CYP7B1: variants seen among roughly 807,000 people sequenced by gnomAD.
CYP7B1 encodes cytochrome P450 family 7 subfamily B member 1.
In CYP7B1, 29 loss-of-function variants were observed where a neutral mutation model predicts 42.7. The observed-to-expected ratio is 0.68, with a 90% CI of 0.51 to 0.93. The LOEUF (loss-of-function observed/expected upper bound fraction) is 0.93, where lower values mean the gene tolerates loss of function less well. CYP7B1 is among the 40% of genes least tolerant of loss of function. The pLI, the probability that CYP7B1 is intolerant of heterozygous loss-of-function variation, is 0.00. For synonymous variants in CYP7B1, 235 were observed against 218.2 expected (o/e 1.08, Z -0.68); for missense variants, 655 against 600.5 (o/e 1.09, Z -0.95).
In CYP7B1 at chr8:64,676,333, C is replaced by T. The variant is rs138616500; in HGVS notation, c.123-51794G>A. On this transcript the variant is annotated intron_variant, in intron 1 of 5. Transcript: ENST00000310193. The stretch of plus-strand genomic sequence containing the variant: ...AGATAAAACAATGTACCATCTTACG[C>T]GTTAGCACACCCATGTGCACCTGCC... Among the ~76,000 whole-genome samples, 7 of 152,196 alleles carry T rather than the reference C, an allele frequency of 4.6e-5. No homozygotes were observed. The East Asian group carries it at 7.7e-4, about 17-fold the overall frequency.
At chr8:64,617,502 T>G (rs149770259) in intron 2 of CYP7B1, among the ~76,000 whole-genome samples, 2 of 152,268 alleles carry the variant, frequency 1.3e-5, no homozygotes, top group East Asian at 3.9e-4. Flanking sequence ...GCACTATTCT[T>G]TGTCTTCTCA....
intron 1 of CYP7B1, among the ~76,000 whole-genome samples, chr8:64,629,993 G>T (rs530942637): frequency 5.3e-5 from 8 of 152,238 alleles, no homozygotes; most frequent in African/African-American, 1.7e-4. Flanking sequence ...GCTCTGCCAG[G>T]AAATGAGGTG....
intron 1 of CYP7B1, among the ~76,000 whole-genome samples, chr8:64,702,992 G>A (rs1038325823): frequency 6.7e-6 from 1 of 148,998 alleles, no homozygotes; most frequent in African/African-American, 2.5e-5. Flanking sequence ...CTATAACTGG[G>A]TATTTTATAC....
intron 1 of CYP7B1, among the ~76,000 whole-genome samples, chr8:64,644,101 C>T (rs1172606523): frequency 6.6e-6 from 1 of 151,936 alleles, no homozygotes; most frequent in Non-Finnish European, 1.5e-5. Context: ...GGTGAAACCC[C>T]GTCTCTACTA....
chr8:64,651,890 A>T lies in CYP7B1; in HGVS notation c.123-27351T>A, dbSNP rs1217228750. Among the ~76,000 whole-genome samples the T allele has an allele frequency of 1.3e-5, 2 of 152,200 alleles. 1 individual carries two copies. Among genetic ancestry groups the T allele is most frequent in the Non-Finnish European group, 2.9e-5 (2 of 68,038 alleles). Reference sequence around the variant, plus strand: ...GTTATAATAGCCTGAATGAACTAAGACAGCTCCCTTTTCTGCAAAGCAGAG... The same window carrying T: ...GTTATAATAGCCTGAATGAACTAAGTCAGCTCCCTTTTCTGCAAAGCAGAG... On this transcript the variant is annotated intron_variant, in intron 1 of 5. Transcript: ENST00000310193.
chr8:64,646,274 G>C (rs994158895), intron 1 of CYP7B1, among the ~76,000 whole-genome samples: 1 of 152,028 alleles, frequency 6.6e-6, no homozygotes, highest in African/African-American at 2.4e-5. Flanking sequence ...CCCACAAAAT[G>C]GGAGAAAATT....
intron 1 of CYP7B1, among the ~76,000 whole-genome samples, chr8:64,749,582 T>C (rs770961257): frequency 2.6e-5 from 4 of 152,134 alleles, no homozygotes; most frequent in Non-Finnish European, 4.4e-5. Context: ...TAAAGCTAGA[T>C]ACGTAAGAAA....
chr8:64,687,649 A>T (rs1006202418), intron 1 of CYP7B1, among the ~76,000 whole-genome samples: 4 of 152,248 alleles, frequency 2.6e-5, no homozygotes, highest in Non-Finnish European at 5.9e-5. Flanking sequence ...TATGTAGCAT[A>T]TAACAGGTGC....
intron 1 of CYP7B1, among the ~76,000 whole-genome samples, chr8:64,656,578 A>C (rs1010822518): frequency 2.6e-5 from 4 of 152,256 alleles, no homozygotes; most frequent in Admixed American, 2.6e-4. Flanking sequence ...CTAGCTGCCA[A>C]GACACCAGGG....
At chr8:64,645,708 A>G (rs1161626214) in intron 1 of CYP7B1, among the ~76,000 whole-genome samples, 3 of 152,078 alleles carry the variant, frequency 2.0e-5, no homozygotes, top group South Asian at 2.1e-4. Context: ...TTTAAAGTTC[A>G]TATGGAACCA....
At chr8:64,671,008 A>G (rs927619487) in intron 1 of CYP7B1, among the ~76,000 whole-genome samples, 3 of 152,208 alleles carry the variant, frequency 2.0e-5, no homozygotes. Context: ...GAGCAGGATC[A>G]TAGCTTGTAA....
At chr8:64,651,482 T>A (rs577033062) in intron 1 of CYP7B1, among the ~76,000 whole-genome samples, 1 of 152,388 alleles carries the variant, frequency 6.6e-6, no homozygotes, top group East Asian at 1.9e-4. Flanking sequence ...TTTCACCATC[T>A]ACTCAATGTG....
In CYP7B1 at chr8:64,735,542, C is replaced by T. The variant is rs80230009; in HGVS notation, c.122+62924G>A. ...CAAAATGTTTCTTTGTTTCAGCTGACGGTGATATTTAAATCTGAACTCAAA... is the reference window on the plus strand; with the variant it reads ...CAAAATGTTTCTTTGTTTCAGCTGATGGTGATATTTAAATCTGAACTCAAA... On this transcript the variant is annotated intron_variant, in intron 1 of 5. Transcript: ENST00000310193. 6.8e-3 allele frequency among the ~76,000 whole-genome samples: 1,029 copies of T among 152,188 alleles called. 16 individuals are homozygous for T. Among genetic ancestry groups the T allele is most frequent in the African/African-American group, 0.023 (970 of 41,496 alleles).
At chr8:64,766,387 C>T (rs1001370291) in intron 1 of CYP7B1, among the ~76,000 whole-genome samples, 1 of 151,928 alleles carries the variant, frequency 6.6e-6, no homozygotes, top group Non-Finnish European at 1.5e-5. Flanking sequence ...AGTCAGTTGC[C>T]GACATTAGAA....
At chr8:64,769,225 C>T (rs541836544) in intron 1 of CYP7B1, among the ~76,000 whole-genome samples, 21 of 152,192 alleles carry the variant, frequency 1.4e-4, no homozygotes, top group Admixed American at 2.0e-4. Flanking sequence ...ATCTATGGAA[C>T]GGGATGGCAC....
intron 5 of CYP7B1, among the ~76,000 whole-genome samples, chr8:64,597,918 A>G (rs1406680185): frequency 1.3e-5 from 2 of 152,254 alleles, no homozygotes; most frequent in African/African-American, 2.4e-5. Flanking sequence ...GCAAAAAAGT[A>G]GGTCAGATCC....
intron 1 of CYP7B1, among the ~76,000 whole-genome samples, chr8:64,658,169 T>C (rs911071068): frequency 5.9e-5 from 9 of 152,116 alleles, no homozygotes; most frequent in Admixed American, 5.2e-4. Context: ...TAGATTCGAA[T>C]TTCAAGATAC....
At chr8:64,720,734 C>T (rs1377120208) in intron 1 of CYP7B1, among the ~76,000 whole-genome samples, 1 of 152,048 alleles carries the variant, frequency 6.6e-6, no homozygotes, top group Non-Finnish European at 1.5e-5. Flanking sequence ...ATATAAATTT[C>T]TTGTGTCAAA....
intron 1 of CYP7B1, among the ~76,000 whole-genome samples, chr8:64,670,130 C>T (rs546040286): frequency 6.6e-6 from 1 of 152,326 alleles, no homozygotes; most frequent in South Asian, 2.1e-4. Context: ...GTTGTCTGTG[C>T]CGTGCCCTGT....
Sources: gnomAD v4.1 joint callset for allele counts (sites outside exome capture counted in the v4.1 genomes callset) on GRCh38, gnomAD v4.1.1 for gene constraint, MANE v1.5 for transcripts, NCBI Gene and HGNC (gene_info 2026-07-23, HGNC 2026-07-21) for gene names.